The following KITLG variants were observed in gnomAD, a reference collection of about 807,000 sequenced individuals.
KITLG encodes the protein c-Kit ligand.
KITLG carries 13 observed loss-of-function variants against 34.1 expected under a neutral mutation model. The ratio of observed to expected loss-of-function variants is 0.38; its 90% CI spans 0.25 to 0.61. KITLG has a LOEUF of 0.61. Among genes scored for constraint, KITLG ranks in the 20% least tolerant of loss-of-function variants. The probability of loss-of-function intolerance (pLI) is 0.60; values close to 1 mark genes in which losing one functional copy is unlikely to be tolerated. For synonymous variants in KITLG, 110 were observed against 104.0 expected, an observed-to-expected ratio of 1.06 and a Z score of -0.35; for missense variants, 292 against 318.9, an observed-to-expected ratio of 0.92 and a Z score of 0.64.
At chr12:88,510,068 C>T (rs1297966364) in intron 6 of KITLG, among the ~76,000 whole-genome samples, 3 of 152,136 alleles carry the variant, frequency 2.0e-5, no homozygotes, top group African/African-American at 4.8e-5. Flanking sequence ...ATTATATCTC[C>T]TTATTACCAA....
intron 2 of KITLG, among the ~76,000 whole-genome samples, chr12:88,543,786 C>A (rs986858182): frequency 6.6e-6 from 1 of 152,136 alleles, no homozygotes; most frequent in African/African-American, 2.4e-5. Context: ...AGTAGTTTTG[C>A]ACCATTACAT....
At chr12:88,548,928 T>A (rs1215660630) in intron 1 of KITLG, among the ~76,000 whole-genome samples, 1 of 152,172 alleles carries the variant, frequency 6.6e-6, no homozygotes, top group Non-Finnish European at 1.5e-5. Context: ...TTTCCAGAGA[T>A]TGCAGTATGG....
At chr12:88,507,159 G>A (rs758309921) in intron 6 of KITLG, 22 bp from the exon 7 acceptor site, 4 of 1,358,252 alleles carry the variant, frequency 2.9e-6, no homozygotes, top group Non-Finnish European at 4.2e-6. Flanking sequence ...AGAACACACT[G>A]ATGAATACAG....
chr12:88,505,691 A>C (rs1229609999), intron 8 of KITLG, among the ~76,000 whole-genome samples: 1 of 152,202 alleles, frequency 6.6e-6, no homozygotes, highest in Non-Finnish European at 1.5e-5. Flanking sequence ...AACAACGAGT[A>C]TGTTGAGAAT....
At chr12:88,539,985 T>A (rs558295439) in intron 2 of KITLG, among the ~76,000 whole-genome samples, 2 of 152,068 alleles carry the variant, frequency 1.3e-5, no homozygotes, top group South Asian at 2.1e-4. Flanking sequence ...GTAAAGAATA[T>A]CTAAATAAAG....
At chr12:88,555,060 A>C (rs549905237) in intron 1 of KITLG, among the ~76,000 whole-genome samples, 2 of 152,202 alleles carry the variant, frequency 1.3e-5, no homozygotes, top group Non-Finnish European at 1.5e-5. Context: ...ATATGTAATG[A>C]ATATGCTCTT....
chr12:88,545,747 CT>C lies in KITLG; in HGVS notation c.129+4del. On this transcript the variant is annotated splice_donor_region_variant and intron_variant, in intron 2 of 9. Coordinates refer to ENST00000644744, the MANE Select transcript of KITLG (RefSeq NM_000899.5). Reference sequence around the variant, plus strand: ...ACACAGCACGGTAAAGCATTCCTTACTTACCAATTTAGTGACGTCTTTTACA... The same window carrying C: ...ACACAGCACGGTAAAGCATTCCTTACTACCAATTTAGTGACGTCTTTTACA... The C allele has an allele frequency of 1.3e-6, 2 of 1,502,190 alleles. No individual in the cohort carries two copies. Among genetic ancestry groups the C allele is most frequent in the Non-Finnish European group, 1.9e-6 (2 of 1,078,524 alleles). The allele number at this position is 1,502,190 out of a possible 1,614,324, so 93.1% of individuals were successfully genotyped here.
chr12:88,540,157 C>A (rs1044029584), intron 2 of KITLG, among the ~76,000 whole-genome samples: 1 of 152,000 alleles, frequency 6.6e-6, no homozygotes, highest in African/African-American at 2.4e-5. Context: ...TGATAGCTTC[C>A]TAATCACAGT....
chr12:88,516,578 G>T (rs1869466292), intron 4 of KITLG, 88 bp from the exon 5 acceptor site: 2 of 841,922 alleles, frequency 2.4e-6, no homozygotes, highest in Non-Finnish European at 3.7e-6. Flanking sequence ...GTCTCTCAAA[G>T]ATTCAAGTAT....
chr12:88,558,601 T>C (rs899033520), intron 1 of KITLG, among the ~76,000 whole-genome samples: 3 of 152,226 alleles, frequency 2.0e-5, no homozygotes, highest in African/African-American at 7.2e-5. Context: ...CTTCTTTCAC[T>C]GAAGGTGTTC....
intron 2 of KITLG, among the ~76,000 whole-genome samples, chr12:88,533,049 G>C (rs970680882): frequency 6.6e-6 from 1 of 151,930 alleles, no homozygotes; most frequent in Non-Finnish European, 1.5e-5. Context: ...CCTAAAAAAT[G>C]ATCAGTGAAA....
chr12:88,551,604 C>A (rs1232400479), intron 1 of KITLG, among the ~76,000 whole-genome samples: 2 of 152,074 alleles, frequency 1.3e-5, no homozygotes, highest in Non-Finnish European at 1.5e-5. Context: ...TTTGTTTGTT[C>A]CTTAGTTTTC....
intron 1 of KITLG, among the ~76,000 whole-genome samples, chr12:88,575,966 C>A (rs1441218596): frequency 6.6e-6 from 1 of 151,952 alleles, no homozygotes; most frequent in East Asian, 1.9e-4. Context: ...CAAAGACACC[C>A]CACAGAAATG....
intron 9 of KITLG, among the ~76,000 whole-genome samples, chr12:88,497,962 T>C (rs1230904123): frequency 1.3e-5 from 2 of 152,214 alleles, no homozygotes; most frequent in Non-Finnish European, 2.9e-5. Context: ...GGAAAGTTCG[T>C]TTGGCCTCAG....
At chr12:88,580,103 G>C (rs1462048424) in intron 1 of KITLG, 161 bp downstream of exon 1, 6 of 761,856 alleles carry the variant, frequency 7.9e-6, no homozygotes, top group Admixed American at 4.3e-5. Context: ...CTCGGCTCGG[G>C]ATCACACACC....
intron 8 of KITLG, 144 bp downstream of exon 8, chr12:88,506,167 A>G: frequency 2.9e-6 from 2 of 681,582 alleles, no homozygotes; most frequent in Non-Finnish European, 5.4e-6. Context: ...GTGAGACATC[A>G]GAAACATGGA....
chr12:88,510,370 C>T (rs1380521225), intron 6 of KITLG, among the ~76,000 whole-genome samples: 1 of 152,068 alleles, frequency 6.6e-6, no homozygotes, highest in East Asian at 1.9e-4. Context: ...ATGATGAACT[C>T]TTATAAGACA....
At chr12:88,512,052 A>G (rs994637905) in intron 6 of KITLG, among the ~76,000 whole-genome samples, 1 of 152,204 alleles carries the variant, frequency 6.6e-6, no homozygotes, top group Non-Finnish European at 1.5e-5. Context: ...CTAATCAGAG[A>G]GGAAGAAGTC....
chr12:88,528,084 G>A (rs1869945916), intron 3 of KITLG, among the ~76,000 whole-genome samples: 2 of 152,080 alleles, frequency 1.3e-5, no homozygotes, highest in East Asian at 1.9e-4. Context: ...GTCTGAATAG[G>A]CTAATACCAA....
Sources: gnomAD v4.1 joint callset for allele counts (sites outside exome capture counted in the v4.1 genomes callset) on GRCh38, gnomAD v4.1.1 for gene constraint, MANE v1.5 for transcripts, NCBI Gene and HGNC (gene_info 2026-07-23, HGNC 2026-07-21) for gene names.